Variants in PKIA observed in about 807,000 individuals in gnomAD.
The protein encoded by PKIA is cAMP-dependent protein kinase inhibitor alpha.
PKIA carries 4 observed loss-of-function variants against 7.6 expected under a neutral mutation model. The ratio of observed to expected loss-of-function variants is 0.52; its 90% CI spans 0.26 to 1.20. The LOEUF is 1.20. Ranked by LOEUF, PKIA falls within the 50% of genes most tolerant of loss-of-function variation. The pLI is 0.13. For missense variants in PKIA, 73 were observed against 86.2 expected (o/e 0.85, Z 0.61); for synonymous variants, 21 against 30.7 (o/e 0.68, Z 1.04).
In PKIA at chr8:78,568,640, T is replaced by C. The variant is rs539934653; in HGVS notation, c.-156-4171T>C. ...ATGAGTTCCCTGTTTTCTTTTTGCC[T>C]CCCACATAGCTCAGACAGGGCACCA... On this transcript the variant is annotated intron_variant, in intron 1 of 3. Transcript: ENST00000396418. 2.0e-5 allele frequency among the ~76,000 whole-genome samples: 3 copies of C among 152,146 alleles called. No homozygotes were observed. The East Asian group carries it at 5.8e-4, about 29-fold the overall frequency.
At chr8:78,559,212 G>A (rs1396635141) in intron 1 of PKIA, among the ~76,000 whole-genome samples, 5 of 152,130 alleles carry the variant, frequency 3.3e-5, no homozygotes, top group African/African-American at 7.2e-5. Context: ...ATAAGCCACC[G>A]TGCCCAGCCC....
At chr8:78,590,728 G>C (rs1370017210) in intron 2 of PKIA, among the ~76,000 whole-genome samples, 1 of 151,502 alleles carries the variant, frequency 6.6e-6, no homozygotes, top group Non-Finnish European at 1.5e-5. Context: ...CATAGTATTT[G>C]AGGTGAATTA....
intron 2 of PKIA, among the ~76,000 whole-genome samples, chr8:78,589,741 G>A (rs1808048144): frequency 6.6e-6 from 1 of 151,998 alleles, no homozygotes; most frequent in African/African-American, 2.4e-5. Flanking sequence ...TGTACTTGAT[G>A]AAGCAGTAAA....
intron 1 of PKIA, among the ~76,000 whole-genome samples, chr8:78,547,725 T>C (rs1402957582): frequency 6.6e-6 from 1 of 152,192 alleles, no homozygotes; most frequent in Non-Finnish European, 1.5e-5. Context: ...TTGATTTATA[T>C]AACCCTTTTC....
intron 1 of PKIA, among the ~76,000 whole-genome samples, chr8:78,521,408 T>C (rs960639319): frequency 2.0e-5 from 3 of 152,058 alleles, no homozygotes; most frequent in African/African-American, 7.2e-5. Flanking sequence ...TAAAAATGCA[T>C]TCAGATTCTC....
chr8:78,521,978 C>A (rs1236622920), intron 1 of PKIA, among the ~76,000 whole-genome samples: 1 of 151,862 alleles, frequency 6.6e-6, no homozygotes, highest in Non-Finnish European at 1.5e-5. Flanking sequence ...CCCTTTCATA[C>A]ATATTTGTCC....
At chr8:78,601,670 A>C (rs1808350079) in intron 3 of PKIA, 72 bp from the exon 4 acceptor site, 2 of 1,095,908 alleles carry the variant, frequency 1.8e-6, no homozygotes, top group Non-Finnish European at 2.7e-6. Context: ...CCAATATGAC[A>C]TATTGACAGT....
chr8:78,541,909 C>A (rs1482978688), intron 1 of PKIA, among the ~76,000 whole-genome samples: 1 of 151,628 alleles, frequency 6.6e-6, no homozygotes, highest in African/African-American at 2.4e-5. Flanking sequence ...GTGGTTCAGA[C>A]CTGTAATCCC....
At chr8:78,572,374 T>C (rs1807569584) in intron 1 of PKIA, among the ~76,000 whole-genome samples, 2 of 151,998 alleles carry the variant, frequency 1.3e-5, no homozygotes, top group South Asian at 4.1e-4. Flanking sequence ...GTCAAATTAA[T>C]TTTTTGAAGA....
At chr8:78,557,554 A>G (rs1807170876) in intron 1 of PKIA, among the ~76,000 whole-genome samples, 1 of 152,116 alleles carries the variant, frequency 6.6e-6, no homozygotes, top group South Asian at 2.1e-4. Context: ...GAACATGGGA[A>G]AAAAAGGAAA....
intron 3 of PKIA, among the ~76,000 whole-genome samples, chr8:78,600,539 G>T (rs1387369787): frequency 6.6e-6 from 1 of 151,958 alleles, no homozygotes; most frequent in East Asian, 1.9e-4. Context: ...TCTTACATAT[G>T]CCCTAATTTG....
rs146321503 is a variant in PKIA at position 78,576,088 on chromosome 8, AAG to A, written c.-28+3151_-28+3152del. 8.5e-3 allele frequency among the ~76,000 whole-genome samples: 1,295 copies of A among 152,094 alleles called. 15 individuals carry two copies. The highest frequency in any genetic ancestry group is 0.03 in the African/African-American group (1,229 of 41,510). The stretch of plus-strand genomic sequence containing the variant: ...CATATTGGATTAGAGCCTCATGTTT[AAG>A]ACCTTATTTAACCTAAATGACTTCT... On this transcript the variant is annotated intron_variant, in intron 2 of 3. Coordinates refer to ENST00000396418, the MANE Select transcript of PKIA (RefSeq NM_006823.4).
intron 2 of PKIA, among the ~76,000 whole-genome samples, chr8:78,581,029 T>C (rs1007752261): frequency 6.6e-6 from 1 of 152,028 alleles, no homozygotes; most frequent in Non-Finnish European, 1.5e-5. Flanking sequence ...GGACAGCTAT[T>C]CCCCAATAAC....
chr8:78,550,659 GT>G (rs772890782), intron 1 of PKIA, among the ~76,000 whole-genome samples: 1 of 151,902 alleles, frequency 6.6e-6, no homozygotes, highest in Admixed American at 6.6e-5. Context: ...ATTTATTTAT[GT>G]TTTTTTAATT....
At chr8:78,541,296 G>A (rs536630089) in intron 1 of PKIA, among the ~76,000 whole-genome samples, 1 of 152,144 alleles carries the variant, frequency 6.6e-6, no homozygotes, top group East Asian at 1.9e-4. Context: ...CTAGAATTCA[G>A]ACCCAAAGGC....
intron 2 of PKIA, among the ~76,000 whole-genome samples, chr8:78,577,710 C>T (rs1489527305): frequency 1.3e-5 from 2 of 151,938 alleles, no homozygotes; most frequent in African/African-American, 4.8e-5. Context: ...AAGAGGTATC[C>T]TTATTCCTGA....
intron 1 of PKIA, among the ~76,000 whole-genome samples, chr8:78,567,241 C>T (rs1382269937): frequency 6.6e-6 from 1 of 152,004 alleles, no homozygotes; most frequent in African/African-American, 2.4e-5. Context: ...TTATCATTAA[C>T]TGAAGTTCAT....
intron 2 of PKIA, among the ~76,000 whole-genome samples, chr8:78,595,723 T>C (rs1446006790): frequency 6.6e-6 from 1 of 152,178 alleles, no homozygotes; most frequent in Non-Finnish European, 1.5e-5. Context: ...CTTAGGATAA[T>C]GGCCTTCAGC....
intron 1 of PKIA, among the ~76,000 whole-genome samples, chr8:78,523,183 T>C (rs536949769): frequency 3.3e-5 from 5 of 151,986 alleles, no homozygotes; most frequent in Non-Finnish European, 5.9e-5. Flanking sequence ...AACTAAAGGG[T>C]TGCTAGAACA....
Sources: gnomAD v4.1 joint callset for allele counts (sites outside exome capture counted in the v4.1 genomes callset) on GRCh38, gnomAD v4.1.1 for gene constraint, MANE v1.5 for transcripts, NCBI Gene and HGNC (gene_info 2026-07-23, HGNC 2026-07-21) for gene names.